SERGEF: variants seen among roughly 807,000 people sequenced by gnomAD.
The protein encoded by SERGEF is secretion-regulating guanine nucleotide exchange factor.
Under a neutral mutation model 50.0 loss-of-function variants are expected in SERGEF, and 51 were observed. The observed-to-expected ratio is 1.02, with a 90% CI of 0.81 to 1.29. The LOEUF is 1.29. Ranked by LOEUF, SERGEF falls within the 50% of genes most tolerant of loss-of-function variation. SERGEF has a pLI of 0.00. For synonymous variants in SERGEF, 205 were observed against 212.4 expected (o/e 0.97, Z 0.30); for missense variants, 521 against 557.0 (o/e 0.94, Z 0.65).
chr11:17,990,773 T>A (rs1485435882), intron 7 of SERGEF, among the ~76,000 whole-genome samples: 12 of 70,360 alleles, frequency 1.7e-4, no homozygotes, highest in Non-Finnish European at 2.5e-4. Flanking sequence ...GCTATTAATC[T>A]TTTTTTTTTT....
At chr11:17,891,792 C>T (rs764375901) in intron 9 of SERGEF, among the ~76,000 whole-genome samples, 3 of 152,086 alleles carry the variant, frequency 2.0e-5, no homozygotes, top group Non-Finnish European at 4.4e-5. Context: ...AGCTACTACC[C>T]ACTATGGGAA....
intron 10 of SERGEF, among the ~76,000 whole-genome samples, chr11:17,870,897 A>G (rs183068351): frequency 5.3e-4 from 80 of 152,264 alleles, no homozygotes; most frequent in Non-Finnish European, 9.1e-4. Flanking sequence ...ACAAACTAAT[A>G]AAAAAGAATC....
intron 9 of SERGEF, among the ~76,000 whole-genome samples, chr11:17,908,180 A>G (rs756393515): frequency 3.3e-5 from 5 of 152,156 alleles, no homozygotes; most frequent in Non-Finnish European, 4.4e-5. Flanking sequence ...AGATCTTTCA[A>G]TGGCCCCTCA....
chr11:17,886,404 G>A (rs1235447419), intron 9 of SERGEF, among the ~76,000 whole-genome samples: 1 of 152,116 alleles, frequency 6.6e-6, no homozygotes, highest in Non-Finnish European at 1.5e-5. Context: ...GAGCTCATGA[G>A]TTCAAGACCA....
intron 10 of SERGEF, among the ~76,000 whole-genome samples, chr11:17,870,421 T>G (rs1015717588): frequency 6.6e-6 from 1 of 152,204 alleles, no homozygotes; most frequent in Non-Finnish European, 1.5e-5. Flanking sequence ...TATGGCTGGC[T>G]TTGAAGATGG....
intron 10 of SERGEF, among the ~76,000 whole-genome samples, chr11:17,820,794 T>C (rs1850066819): frequency 6.6e-6 from 1 of 152,140 alleles, no homozygotes; most frequent in Admixed American, 6.5e-5. Flanking sequence ...AGCCTAAATG[T>C]CATCACAAGA....
chr11:17,980,368 A>T (rs211115), intron 8 of SERGEF, among the ~76,000 whole-genome samples: 1 of 151,900 alleles, frequency 6.6e-6, no homozygotes, highest in African/African-American at 2.4e-5. Flanking sequence ...CTCCGAATTG[A>T]GGCCCGTGCA....
chr11:17,882,352 G>T (rs1415080768), intron 9 of SERGEF, among the ~76,000 whole-genome samples: 1 of 150,256 alleles, frequency 6.7e-6, no homozygotes, highest in Non-Finnish European at 1.5e-5. Flanking sequence ...CTGGGAGGTG[G>T]AGGTTGCAGT....
chr11:18,010,076 C>T (rs1392894567), intron 1 of SERGEF: 1 of 1,209,418 alleles, frequency 8.3e-7, no homozygotes, highest in Non-Finnish European at 1.1e-6. Flanking sequence ...AGTACCTACT[C>T]CTAGCTGGTT....
intron 10 of SERGEF, chr11:17,856,385 T>A (rs915780153): frequency 6.6e-6 from 1 of 152,246 alleles, no homozygotes; most frequent in Admixed American, 6.5e-5. Context: ...AGATCCTGAA[T>A]TCATCATCCT....
intron 8 of SERGEF, among the ~76,000 whole-genome samples, chr11:17,981,836 T>C (rs775272748): frequency 2.6e-5 from 4 of 152,142 alleles, no homozygotes; most frequent in Non-Finnish European, 4.4e-5. Context: ...GGCCTCACTC[T>C]GTCACCCAGG....
Position 17,816,783 on chromosome 11 carries a change from C to G in SERGEF, c.1049-28370G>C, listed in dbSNP as rs554613265. Among the ~76,000 whole-genome samples the G allele has an allele frequency of 1.1e-4, 16 of 152,304 alleles. No individual in the cohort carries two copies. In the South Asian group the frequency reaches 3.1e-3, roughly 30 times the overall value. On this transcript the variant is annotated intron_variant, in intron 10 of 10. Transcript: ENST00000265965. ...AGACAAGATCCAGAATCAGCTCTGG[C>G]TCTGGCCTGAGCCAACCCCCTTCAT...
At chr11:17,877,691 C>T (rs1050862581) in intron 10 of SERGEF, among the ~76,000 whole-genome samples, 2 of 152,182 alleles carry the variant, frequency 1.3e-5, no homozygotes, top group South Asian at 2.1e-4. Flanking sequence ...TATGAAAACA[C>T]TAAACTATGA....
At chr11:18,003,545 T>C (rs1565228773) in intron 4 of SERGEF, among the ~76,000 whole-genome samples, 1 of 152,152 alleles carries the variant, frequency 6.6e-6, no homozygotes, top group Non-Finnish European at 1.5e-5. Flanking sequence ...TTAATAATTT[T>C]TATACTGAAT....
chr11:17,979,826 G>A (rs148936690), intron 8 of SERGEF, among the ~76,000 whole-genome samples: 17 of 152,220 alleles, frequency 1.1e-4, no homozygotes, highest in African/African-American at 3.4e-4. Flanking sequence ...GATGATCTTC[G>A]AAGTCCTTTT....
intron 9 of SERGEF, among the ~76,000 whole-genome samples, chr11:17,951,709 A>T (rs1335225478): frequency 6.6e-6 from 1 of 152,182 alleles, no homozygotes; most frequent in South Asian, 2.1e-4. Context: ...AGGGCTAGCA[A>T]TGAGAAAAAT....
intron 9 of SERGEF, among the ~76,000 whole-genome samples, chr11:17,956,295 C>G (rs1007744741): frequency 2.0e-5 from 3 of 152,180 alleles, no homozygotes; most frequent in Admixed American, 2.0e-4. Flanking sequence ...GGAAAGGGCA[C>G]ATAGAAAGAA....
intron 5 of SERGEF, among the ~76,000 whole-genome samples, chr11:17,998,338 GC>G (rs1853879143): frequency 6.6e-6 from 1 of 151,082 alleles, no homozygotes; most frequent in Non-Finnish European, 1.5e-5. Flanking sequence ...GATCGCTTGA[GC>G]CCAGAAGTTT....
At position 17,838,940 on chromosome 11, in the gene SERGEF, G is replaced by T. The variant is rs116400746; in HGVS notation, c.1048+39268C>A. Among the ~76,000 whole-genome samples, 669 of 152,288 alleles carry T rather than the reference G, an allele frequency of 4.4e-3. 6 individuals carry two copies. Among genetic ancestry groups the T allele is most frequent in the African/African-American group, 0.015 (639 of 41,556 alleles). ...AAAACAGCCCTGCCAATAATTAGTT[G>T]GGTGACCTAAGACAAACTATTGCAC... On this transcript the variant is annotated intron_variant, in intron 10 of 10. Transcript: ENST00000265965.
Sources: gnomAD v4.1 joint callset for allele counts (sites outside exome capture counted in the v4.1 genomes callset) on GRCh38, gnomAD v4.1.1 for gene constraint, MANE v1.5 for transcripts, NCBI Gene and HGNC (gene_info 2026-07-23, HGNC 2026-07-21) for gene names.